Variants in MALT1 observed in about 807,000 individuals in gnomAD.
The protein encoded by MALT1 is MALT1 paracaspase.
MALT1 carries 36 observed loss-of-function variants against 85.5 expected under a neutral mutation model. The observed-to-expected ratio is 0.42, with a 90% CI of 0.32 to 0.56. The LOEUF is 0.56. Among genes scored for constraint, MALT1 ranks in the 20% least tolerant of loss-of-function variants. The probability of loss-of-function intolerance (pLI) is 0.10; values close to 1 mark genes in which losing one functional copy is unlikely to be tolerated. For synonymous variants in MALT1, 359 were observed against 361.3 expected (o/e 0.99, Z 0.07); for missense variants, 716 against 981.6 (o/e 0.73, Z 3.62).
At chr18:58,743,759 C>G (rs1282626554) in intron 14 of MALT1, among the ~76,000 whole-genome samples, 2 of 152,060 alleles carry the variant, frequency 1.3e-5, no homozygotes, top group African/African-American at 4.8e-5. Flanking sequence ...TATCTTTCTG[C>G]TTTTTAATAC....
In MALT1 at chr18:58,739,902, C is replaced by T. The variant is rs112802097; in HGVS notation, c.1604-1963C>T. ...AGAACTCTAATACAGAAGAAGTACA[C>T]CCTGTTGTTTACTGGGAACTTTTGT... On this transcript the variant is annotated intron_variant, in intron 13 of 16. Transcript: ENST00000649217. 7.5e-3 allele frequency among the ~76,000 whole-genome samples: 1,138 copies of T among 152,256 alleles called. 11 individuals are homozygous for T. The highest frequency in any genetic ancestry group is 0.026 in the African/African-American group (1,064 of 41,554).
At chr18:58,706,239 C>T (rs1210445343) in intron 4 of MALT1, among the ~76,000 whole-genome samples, 3 of 152,174 alleles carry the variant, frequency 2.0e-5, no homozygotes, top group African/African-American at 7.2e-5. Context: ...TCACTGAAAC[C>T]TCTGCCGCCC....
chr18:58,714,253 C>T (rs2054870567), intron 8 of MALT1, 144 bp downstream of exon 8: 1 of 455,598 alleles, frequency 2.2e-6, no homozygotes, highest in Non-Finnish European at 3.9e-6. Flanking sequence ...TTGAAATTAA[C>T]TACATGAAGT....
Position 58,750,000 on chromosome 18 carries a change from C to G in MALT1, c.*2158C>G, listed in dbSNP as rs2055425352. On this transcript the variant is annotated 3_prime_UTR_variant, in exon 17 of 17. Transcript: ENST00000649217. ...TAGGAATTCAAGGTTTGTTCAACAT[C>G]TAAAAATCAAATAAGCTAATAAAGA... 1 of 201,832 alleles carries G rather than the reference C, an allele frequency of 5.0e-6. No individual in the cohort carries two copies. The highest frequency in any genetic ancestry group is 1.0e-5 in the Non-Finnish European group (1 of 98,152). The allele number at this position is 201,832 out of a possible 1,614,324, so 12.5% of individuals were successfully genotyped here.
In MALT1 at chr18:58,720,286, T is replaced by A. The variant is rs867900429; in HGVS notation, c.1019-2762T>A. 5.9e-5 allele frequency among the ~76,000 whole-genome samples: 9 copies of A among 152,344 alleles called. No homozygotes were observed. The South Asian group carries it at 8.3e-4, about 14-fold the overall frequency. ...TTGAAGTTTTCTTTATTCCTCACTCTTACCTCCTCAAATTCAAGTTTTATT... is the reference window on the plus strand; with the variant it reads ...TTGAAGTTTTCTTTATTCCTCACTCATACCTCCTCAAATTCAAGTTTTATT... On this transcript the variant is annotated intron_variant, in intron 9 of 16. Coordinates refer to ENST00000649217, the MANE Select transcript of MALT1 (RefSeq NM_006785.4).
intron 1 of MALT1, among the ~76,000 whole-genome samples, chr18:58,674,660 T>A (rs1255274387): frequency 1.3e-5 from 2 of 152,162 alleles, no homozygotes; most frequent in Non-Finnish European, 2.9e-5. Context: ...TATTGTAAAG[T>A]GATTTCATGC....
intron 2 of MALT1, among the ~76,000 whole-genome samples, chr18:58,693,885 C>T (rs1159360489): frequency 6.6e-6 from 1 of 152,142 alleles, no homozygotes; most frequent in African/African-American, 2.4e-5. Flanking sequence ...ATTACTTGTT[C>T]TCTTTTGTCA....
intron 10 of MALT1, 60 bp from the exon 11 acceptor site, chr18:58,733,337 G>A: frequency 9.0e-7 from 1 of 1,116,294 alleles, no homozygotes; most frequent in Non-Finnish European, 1.3e-6. Flanking sequence ...TATGCAGTCT[G>A]TATGTTCAGA....
At chr18:58,672,099 C>G (rs1249770482) in intron 1 of MALT1, 1 of 334,974 alleles carries the variant, frequency 3.0e-6, no homozygotes, top group South Asian at 1.5e-4. Context: ...CTGCCTCGCT[C>G]CCTGTTCCCA....
At chr18:58,706,650 GTAA>G (rs893203825) in intron 4 of MALT1, among the ~76,000 whole-genome samples, 7 of 152,064 alleles carry the variant, frequency 4.6e-5, no homozygotes, top group African/African-American at 1.7e-4. Context: ...AATTATTTGT[GTAA>G]TAATTTGTAG....
At chr18:58,705,141 G>C (rs906840322) in intron 4 of MALT1, among the ~76,000 whole-genome samples, 2 of 152,022 alleles carry the variant, frequency 1.3e-5, no homozygotes, top group African/African-American at 4.8e-5. Context: ...ATTACAGTAT[G>C]CCTCTAACTT....
intron 3 of MALT1, among the ~76,000 whole-genome samples, chr18:58,698,593 C>T (rs2054628192): frequency 6.6e-6 from 1 of 152,158 alleles, no homozygotes; most frequent in African/African-American, 2.4e-5. Context: ...ACCCCTTAGG[C>T]TTTCCACCTG....
intron 15 of MALT1, 72 bp downstream of exon 15, chr18:58,744,567 A>C (rs547937001): frequency 1.2e-6 from 1 of 806,422 alleles, no homozygotes; most frequent in Non-Finnish European, 1.9e-6. Flanking sequence ...TTTAAAACTT[A>C]AAGTTGATGG....
intron 4 of MALT1, among the ~76,000 whole-genome samples, chr18:58,703,200 T>C (rs1320689550): frequency 6.6e-6 from 1 of 151,866 alleles, no homozygotes; most frequent in Non-Finnish European, 1.5e-5. Context: ...CTACTAAAAA[T>C]ACAAAAATTA....
At chr18:58,743,716 T>A (rs1442650098) in intron 14 of MALT1, among the ~76,000 whole-genome samples, 2 of 152,180 alleles carry the variant, frequency 1.3e-5, no homozygotes, top group Non-Finnish European at 2.9e-5. Context: ...AAATGGCTAA[T>A]GTAAGTAATT....
At chr18:58,689,620 T>C (rs986500459) in intron 2 of MALT1, among the ~76,000 whole-genome samples, 8 of 152,070 alleles carry the variant, frequency 5.3e-5, no homozygotes, top group African/African-American at 1.7e-4. Context: ...AGACGGACAG[T>C]AAGAAACAGG....
At chr18:58,717,127 C>G (rs181518493) in intron 9 of MALT1, among the ~76,000 whole-genome samples, 1 of 151,972 alleles carries the variant, frequency 6.6e-6, no homozygotes, top group Non-Finnish European at 1.5e-5. Flanking sequence ...TTTGTGAGGC[C>G]GAGGCAGGCA....
intron 10 of MALT1, among the ~76,000 whole-genome samples, chr18:58,732,274 T>C (rs1275152221): frequency 6.6e-6 from 1 of 152,218 alleles, no homozygotes; most frequent in African/African-American, 2.4e-5. Context: ...AGTACTTTTA[T>C]GAAGAAGTTC....
At chr18:58,676,772 T>A (rs963539545) in intron 1 of MALT1, among the ~76,000 whole-genome samples, 1 of 152,210 alleles carries the variant, frequency 6.6e-6, no homozygotes, top group Non-Finnish European at 1.5e-5. Flanking sequence ...AGATACAGAA[T>A]TTTGTTTTGT....
Sources: allele counts gnomAD v4.1 joint callset (sites outside exome capture counted in the v4.1 genomes callset), GRCh38; gene constraint gnomAD v4.1.1; transcripts MANE v1.5; gene names NCBI Gene and HGNC (gene_info 2026-07-23, HGNC 2026-07-21).